Variants in PPARGC1A observed in about 807,000 individuals in gnomAD.
PPARGC1A encodes the protein peroxisome proliferator-activated receptor gamma coactivator 1-alpha.
PPARGC1A carries 25 observed loss-of-function variants against 88.7 expected under a neutral mutation model. That is an observed-to-expected ratio of 0.28 (90% CI 0.21 to 0.39). The LOEUF (loss-of-function observed/expected upper bound fraction) is 0.39, where lower values mean the gene tolerates loss of function less well. PPARGC1A is among the 10% of genes least tolerant of loss of function. PPARGC1A has a pLI of 1.00. For synonymous variants in PPARGC1A, 363 were observed against 355.6 expected (o/e 1.02, Z -0.24); for missense variants, 880 against 968.7 (o/e 0.91, Z 1.22).
chr4:24,278,954 T>C, the PPARGC1A span, among the ~76,000 whole-genome samples: 1 of 152,140 alleles, frequency 6.6e-6, no homozygotes, highest in Admixed American at 6.5e-5. Flanking sequence ...AGCTGAGTCC[T>C]AGATACGTTT....
chr4:24,387,768 GAAAGAAAGAAAGAA>G, the PPARGC1A span, among the ~76,000 whole-genome samples: 576 of 63,440 alleles, frequency 9.1e-3, 7 homozygotes, highest in Middle Eastern at 0.021. Context: ...GAGAGAGAGA[GAAAGAAAGAAAGAA>G]AGAAAGAAAG....
chr4:24,221,984 G>T, the PPARGC1A span, among the ~76,000 whole-genome samples: 1 of 152,118 alleles, frequency 6.6e-6, no homozygotes, highest in African/African-American at 2.4e-5. Flanking sequence ...CCCAGTGTTT[G>T]GAACATCTGC....
chr4:24,261,632 A>G, the PPARGC1A span, among the ~76,000 whole-genome samples: 1 of 152,108 alleles, frequency 6.6e-6, no homozygotes, highest in African/African-American at 2.4e-5. Flanking sequence ...TTTTTCAGCT[A>G]TTTTCACATT....
the PPARGC1A span, among the ~76,000 whole-genome samples, chr4:23,910,848 A>T: frequency 2.6e-5 from 4 of 152,082 alleles, no homozygotes; most frequent in Admixed American, 2.6e-4. Flanking sequence ...TGAGGCAGAG[A>T]ATTAAGTAAC....
chr4:23,872,198 T>C (rs138507176), intron 2 of PPARGC1A, among the ~76,000 whole-genome samples: 1 of 152,232 alleles, frequency 6.6e-6, no homozygotes, highest in Non-Finnish European at 1.5e-5. Context: ...CAAACAGTTC[T>C]CATCCATAGA....
chr4:24,464,242 A>G, the PPARGC1A span, among the ~76,000 whole-genome samples: 3 of 152,220 alleles, frequency 2.0e-5, no homozygotes, highest in Non-Finnish European at 4.4e-5. Flanking sequence ...TTGTATTTGG[A>G]GGTTTGTAAA....
At chr4:24,137,713 T>C in the PPARGC1A span, among the ~76,000 whole-genome samples, 1 of 151,944 alleles carries the variant, frequency 6.6e-6, no homozygotes, top group Non-Finnish European at 1.5e-5. Context: ...ATGACATTCC[T>C]GGCTTCTGGC....
chr4:23,910,460 A>G, the PPARGC1A span, among the ~76,000 whole-genome samples: 2 of 130,786 alleles, frequency 1.5e-5, no homozygotes, highest in Admixed American at 9.5e-5. Flanking sequence ...TATATTTTTG[A>G]CACAGAGTCT....
At chr4:24,420,555 T>A in the PPARGC1A span, among the ~76,000 whole-genome samples, 1 of 152,170 alleles carries the variant, frequency 6.6e-6, no homozygotes, top group African/African-American at 2.4e-5. Flanking sequence ...CACTCCCGGC[T>A]GGGATTCCAA....
At chr4:24,387,888 A>G in the PPARGC1A span, among the ~76,000 whole-genome samples, 174 of 121,388 alleles carry the variant, frequency 1.4e-3, 5 homozygotes, top group African/African-American at 5.7e-3. Context: ...GAAAGAAAGA[A>G]AGAAAGAAAA....
intron 2 of PPARGC1A, among the ~76,000 whole-genome samples, chr4:23,868,696 A>G (rs1389862448): frequency 6.6e-6 from 1 of 152,244 alleles, no homozygotes; most frequent in African/African-American, 2.4e-5. Flanking sequence ...ACTTTGTGCC[A>G]AAGACGGCCA....
chr4:24,082,047 A>G, the PPARGC1A span, among the ~76,000 whole-genome samples: 2 of 152,250 alleles, frequency 1.3e-5, no homozygotes, highest in African/African-American at 4.8e-5. Flanking sequence ...GGTTTCCAGG[A>G]CACTCTCCCT....
At chr4:23,847,716 T>C (rs901060214) in intron 2 of PPARGC1A, among the ~76,000 whole-genome samples, 3 of 152,212 alleles carry the variant, frequency 2.0e-5, no homozygotes, top group South Asian at 2.1e-4. Context: ...TTAAATATTA[T>C]GAAACGAATC....
chr4:24,369,495 A>T, the PPARGC1A span, among the ~76,000 whole-genome samples: 1 of 152,192 alleles, frequency 6.6e-6, no homozygotes, highest in Non-Finnish European at 1.5e-5. Flanking sequence ...ATTTGTCCTT[A>T]TTATAACCCT....
rs1045765907 is a variant in PPARGC1A at position 23,828,685 on chromosome 4, G to C, written c.553-81C>G. ...GGATATAGGTTTTCTGGAGAGATGG[G>C]ATTTTTCAATGAAGTGTTCAGTCTA... is the stretch of plus-strand genomic sequence containing the variant. On this transcript the variant is annotated intron_variant, in intron 4 of 12. Coordinates refer to ENST00000264867, the MANE Select transcript of PPARGC1A (RefSeq NM_013261.5). The C allele has an allele frequency of 6.1e-6, 8 of 1,318,392 alleles. No individual in the cohort carries two copies. In the African/African-American group the frequency reaches 1.2e-4, roughly 19 times the overall value. The allele number at this position is 1,318,392 out of a possible 1,614,324, so 81.7% of individuals were successfully genotyped here. A position where few individuals can be genotyped will look rare whatever the true frequency, so the allele number is the denominator to read the frequency against.
chr4:24,106,104 G>A, the PPARGC1A span, among the ~76,000 whole-genome samples: 39 of 151,854 alleles, frequency 2.6e-4, no homozygotes, highest in Non-Finnish European at 2.9e-4. Flanking sequence ...TCGTTTCCCC[G>A]CCCCCGGATG....
the PPARGC1A span, among the ~76,000 whole-genome samples, chr4:24,095,115 C>CTTTTTTTTTTTTTTTTTTT: frequency 8.2e-6 from 1 of 122,408 alleles, no homozygotes; most frequent in African/African-American, 3.2e-5. Context: ...GAAATAGGGT[C>CTTTTTTTTTTTTTTTTTTT]TTTTTTTTTT....
At chr4:24,129,267 G>A in the PPARGC1A span, among the ~76,000 whole-genome samples, 1 of 152,098 alleles carries the variant, frequency 6.6e-6, no homozygotes, top group Non-Finnish European at 1.5e-5. Context: ...GAACACATAG[G>A]TTATGAGACT....
chr4:24,050,769 C>G, the PPARGC1A span, among the ~76,000 whole-genome samples: 1 of 152,130 alleles, frequency 6.6e-6, no homozygotes, highest in African/African-American at 2.4e-5. Flanking sequence ...GCAGACTGGC[C>G]AAGGCAAATC....
Sources: gnomAD v4.1 joint callset for allele counts (sites outside exome capture counted in the v4.1 genomes callset) on GRCh38, gnomAD v4.1.1 for gene constraint, MANE v1.5 for transcripts, NCBI Gene and HGNC (gene_info 2026-07-23, HGNC 2026-07-21) for gene names.